Variants in WDR33 observed in about 807,000 individuals in gnomAD.
The protein encoded by WDR33 is pre-mRNA 3' end processing protein WDR33.
Under a neutral mutation model 164.9 loss-of-function variants are expected in WDR33, and 47 were observed. The ratio of observed to expected loss-of-function variants is 0.29; its 90% CI spans 0.23 to 0.36. The LOEUF (loss-of-function observed/expected upper bound fraction) is 0.36, where lower values mean the gene tolerates loss of function less well. WDR33 is among the 10% of genes least tolerant of loss of function. WDR33 has a pLI of 1.00. For synonymous variants in WDR33, 505 were observed against 589.0 expected (o/e 0.86, Z 2.06); for missense variants, 1,137 against 1,754.1 (o/e 0.65, Z 6.28).
chr2:127,786,250 G>A (rs1037445845), intron 1 of WDR33, among the ~76,000 whole-genome samples: 2 of 152,160 alleles, frequency 1.3e-5, no homozygotes, highest in African/African-American at 4.8e-5. Flanking sequence ...GTCCAGGCTA[G>A]TCTGGAACTC....
At chr2:127,750,675 AAAATATATATATATATATAT>A (rs1367895037) in intron 7 of WDR33, among the ~76,000 whole-genome samples, 1 of 56,368 alleles carries the variant, frequency 1.8e-5, no homozygotes, top group Non-Finnish European at 2.9e-5. Context: ...AAAAAAAAAA[AAAATATATATATATATATAT>A]ATATATATAT....
At chr2:127,736,224 CT>C (rs1686836638) in intron 7 of WDR33, 2 of 985,296 alleles carry the variant, frequency 2.0e-6, no homozygotes, top group Non-Finnish European at 2.4e-6. Flanking sequence ...GAAACACTAG[CT>C]TACTACATTT....
Position 127,709,671 on chromosome 2 carries a change from G to T in WDR33, c.3472+22C>A. ...TCTGCACCCTATCCTTCCAGACCAG[G>T]TGTCTTTAGTAACTCGCTCACCTCG... is the stretch of plus-strand genomic sequence containing the variant. On this transcript the variant is annotated intron_variant, in intron 19 of 21. Transcript: ENST00000322313. The surrounding 1 kb of genome is among the most constrained non-coding windows in gnomAD (Gnocchi z 5.0). The T allele has an allele frequency of 6.2e-7, 1 of 1,614,110 alleles. No homozygotes were observed. Among genetic ancestry groups the T allele is most frequent in the Non-Finnish European group, 8.5e-7 (1 of 1,180,004 alleles).
At chr2:127,794,849 A>AAAAAAAG (rs1553481251) in intron 1 of WDR33, among the ~76,000 whole-genome samples, 1 of 142,754 alleles carries the variant, frequency 7.0e-6, no homozygotes, top group Non-Finnish European at 1.5e-5. Flanking sequence ...AAAAAAAAAA[A>AAAAAAAG]AAAGAAAGAA....
At chr2:127,776,659 C>G (rs1227601510) in intron 1 of WDR33, among the ~76,000 whole-genome samples, 4 of 152,172 alleles carry the variant, frequency 2.6e-5, no homozygotes, top group Non-Finnish European at 4.4e-5. Context: ...TGTTGCACCA[C>G]TGCACTCCAG....
chr2:127,765,886 G>C (rs1376313808), intron 4 of WDR33, among the ~76,000 whole-genome samples: 1 of 150,900 alleles, frequency 6.6e-6, no homozygotes, highest in Non-Finnish European at 1.5e-5. Flanking sequence ...AACCATAATA[G>C]TGCCATGACT....
intron 7 of WDR33, among the ~76,000 whole-genome samples, chr2:127,742,537 A>C (rs1169667204): frequency 6.6e-6 from 1 of 151,498 alleles, no homozygotes; most frequent in Non-Finnish European, 1.5e-5. Flanking sequence ...AAAAAAAAAA[A>C]AAAGGGAAGA....
intron 1 of WDR33, among the ~76,000 whole-genome samples, chr2:127,809,773 C>G (rs1689581295): frequency 6.6e-6 from 1 of 152,054 alleles, no homozygotes; most frequent in Non-Finnish European, 1.5e-5. Flanking sequence ...CCTAGGAGTA[C>G]AGGAAAGACA....
chr2:127,780,402 G>T (rs1688330346), intron 1 of WDR33, among the ~76,000 whole-genome samples: 1 of 152,142 alleles, frequency 6.6e-6, no homozygotes. Flanking sequence ...ATCTGTCATT[G>T]AACTTTGAGG....
rs1354747441 is a variant in WDR33, at chr2:127,713,690, C to A, written c.3201G>T (p.Arg1067=). The A allele has an allele frequency of 6.2e-7, 1 of 1,614,084 alleles. No individual in the cohort carries two copies. The highest frequency in any genetic ancestry group is 8.5e-7 in the Non-Finnish European group (1 of 1,180,024). ...CCCCCGGAGGGCCTCGGGCTGCACC[C>A]CGGCCATCCCCCTCGCTGAATTCCC... ...DHREFSEGDG[R]GAARGPPGAW... Residue 1067 remains arginine, a synonymous_variant, in exon 18 of 22, where the codon CGG becomes CGT. Coordinates refer to ENST00000322313, the MANE Select transcript of WDR33 (RefSeq NM_018383.5). The surrounding 1 kb of genome is among the most constrained non-coding windows in gnomAD (Gnocchi z 6.2).
chr2:127,790,252 T>C (rs980234983), intron 1 of WDR33, among the ~76,000 whole-genome samples: 1 of 152,250 alleles, frequency 6.6e-6, no homozygotes, highest in Non-Finnish European at 1.5e-5. Context: ...CTGACTGATT[T>C]TCAAATTTTG....
Position 127,726,848 on chromosome 2 carries a change from GA to G in WDR33, c.725-72del. The G allele has an allele frequency of 6.3e-7, 1 of 1,577,206 alleles. No individual in the cohort carries two copies. Among genetic ancestry groups the G allele is most frequent in the Non-Finnish European group, 8.6e-7 (1 of 1,158,612 alleles). Reference sequence around the variant, plus strand: ...TTAAAGCAATTTAAACCAAAGTAGAGAAACCTAGTAAATGTTTTGCTCTCAG... The same window carrying G: ...TTAAAGCAATTTAAACCAAAGTAGAGAACCTAGTAAATGTTTTGCTCTCAG... On this transcript the variant is annotated intron_variant, in intron 7 of 21. Transcript: ENST00000322313. The surrounding 1 kb of genome is among the most constrained non-coding windows in gnomAD (Gnocchi z 4.8).
In WDR33 at chr2:127,745,441, C is replaced by T. The variant is rs2270161; in HGVS notation, c.724+17621G>A. ...TGAACACAAAATCAAAGAAATATGGCGGAGTGAAGGTTTCTCACCCTTAAC... is the reference window on the plus strand; with the variant it reads ...TGAACACAAAATCAAAGAAATATGGTGGAGTGAAGGTTTCTCACCCTTAAC... On this transcript the variant is annotated intron_variant, in intron 7 of 21. Coordinates refer to ENST00000322313, the MANE Select transcript of WDR33 (RefSeq NM_018383.5). Among the ~76,000 whole-genome samples the T allele has an allele frequency of 4.1e-3, 622 of 152,198 alleles. 28 individuals are homozygous for T. The East Asian group carries it at 0.11, about 27-fold the overall frequency.
In WDR33 at chr2:127,723,191, A is replaced by G. The variant is rs879230167; in HGVS notation, c.1291+62T>C. 1 of 1,511,204 alleles carries G rather than the reference A, an allele frequency of 6.6e-7. No homozygotes were observed. Among genetic ancestry groups the G allele is most frequent in the Non-Finnish European group, 9.1e-7 (1 of 1,102,918 alleles). 93.6% of individuals were successfully genotyped at this position (1,511,204 alleles called of 1,614,324 possible). ...ATTCATTTTGTATAATCTTCCCAAC[A>G]TCTAACACTTCTGTAATAGAATACC... On this transcript the variant is annotated intron_variant, in intron 12 of 21. Transcript: ENST00000322313. This position sits in a 1 kb window ranked among gnomAD's most constrained non-coding sequence, Gnocchi z 5.9.
At chr2:127,757,136 T>G (rs898146610) in intron 7 of WDR33, among the ~76,000 whole-genome samples, 4 of 151,716 alleles carry the variant, frequency 2.6e-5, no homozygotes, top group African/African-American at 9.7e-5. Flanking sequence ...GAGTGGCTCT[T>G]GACTCTTAAT....
chr2:127,748,272 C>T (rs186648571), intron 7 of WDR33, among the ~76,000 whole-genome samples: 89 of 152,294 alleles, frequency 5.8e-4, no homozygotes, highest in African/African-American at 2.1e-3. Flanking sequence ...TGGTTCCCTG[C>T]GGTCTGTGTT....
rs1687882799 is a variant in WDR33 at position 127,768,252 on chromosome 2, T to C, written c.315A>G (p.Ala105=). Reference sequence around the variant, plus strand: ...ATGTCCGAACAAATTTTGTTGTTACTGCATTCATAGGATTATTCAACATTC... The same window carrying C: ...ATGTCCGAACAAATTTTGTTGTTACCGCATTCATAGGATTATTCAACATTC... ...PIGMLNNPMN[A]VTTKFVRTST... is the part of the protein sequence containing the mutation. The change falls in exon 4 of 22, where the codon GCA becomes GCG. Residue 105 remains alanine (A), a synonymous_variant. Coordinates refer to ENST00000322313, the MANE Select transcript of WDR33 (RefSeq NM_018383.5). The C allele has an allele frequency of 2.5e-6, 4 of 1,582,500 alleles. No homozygotes were observed. Among genetic ancestry groups the C allele is most frequent in the Admixed American group, 1.7e-5 (1 of 57,520 alleles).
chr2:127,725,475 G>A (rs1393308084), intron 8 of WDR33, among the ~76,000 whole-genome samples: 2 of 152,150 alleles, frequency 1.3e-5, no homozygotes, highest in South Asian at 2.1e-4. Context: ...GATGGCTCAC[G>A]CCTGTAATCC....
chr2:127,711,222 C>T (rs1408237431), intron 18 of WDR33, among the ~76,000 whole-genome samples: 3 of 151,994 alleles, frequency 2.0e-5, no homozygotes, highest in African/African-American at 4.8e-5. Flanking sequence ...GCCAGGAGTT[C>T]GAGACCAGCC....
Sources: gnomAD v4.1 joint callset for allele counts (sites outside exome capture counted in the v4.1 genomes callset) on GRCh38, gnomAD v4.1.1 for gene constraint, Gnocchi (gnomAD v3.1) non-coding constraint, MANE v1.5 for transcripts, NCBI Gene and HGNC (gene_info 2026-07-23, HGNC 2026-07-21) for gene names.